The following ANKAR variants were observed in gnomAD, a reference collection of about 807,000 sequenced individuals.
The protein encoded by ANKAR is ankyrin and armadillo repeat-containing protein.
ANKAR carries 136 observed loss-of-function variants against 146.2 expected under a neutral mutation model. The observed-to-expected ratio is 0.93, with a 90% confidence interval of 0.81 to 1.07. The LOEUF (loss-of-function observed/expected upper bound fraction) is 1.07, where lower values mean the gene tolerates loss of function less well. Ranked by LOEUF, ANKAR falls within the 50% of genes least tolerant of loss-of-function variation. The pLI is 0.00. For missense variants in ANKAR, 1,567 were observed against 1,679.9 expected, an observed-to-expected ratio of 0.93 and a Z score of 1.18; for synonymous variants, 500 against 575.8, an observed-to-expected ratio of 0.87 and a Z score of 1.88.
chr2:189,721,850 G>A (rs762469596), intron 12 of ANKAR, among the ~76,000 whole-genome samples: 18 of 152,278 alleles, frequency 1.2e-4, no homozygotes, highest in Non-Finnish European at 2.2e-4. Flanking sequence ...TTAAATGTAA[G>A]TCAAGATTAA....
At chr2:189,707,695 T>C (rs6434365) in intron 9 of ANKAR, among the ~76,000 whole-genome samples, 35,536 of 151,154 alleles carry the variant, frequency 0.24, 4,493 homozygotes, top group African/African-American at 0.32. Context: ...TATGGACATG[T>C]CTAATTTTAC....
intron 7 of ANKAR, among the ~76,000 whole-genome samples, chr2:189,700,463 A>T (rs1348531927): frequency 6.6e-6 from 1 of 152,176 alleles, no homozygotes; most frequent in Non-Finnish European, 1.5e-5. Context: ...AGATTTTTTG[A>T]TACAGGCATG....
Position 189,744,777 on chromosome 2 carries a change from T to A in ANKAR, c.4046T>A (p.Ile1349Asn), listed in dbSNP as rs1307044691. The A allele has an allele frequency of 3.1e-6, 5 of 1,589,678 alleles. No individual in the cohort carries two copies. In the African/African-American group the frequency reaches 6.7e-5, roughly 21 times the overall value. ...EKNGGPSIIPIFKRGKEHRRK... is the reference protein window; with the variant it reads ...EKNGGPSIIPNFKRGKEHRRK... The stretch of plus-strand genomic sequence containing the variant: ...AATGGAGGACCATCCATAATTCCTA[T>A]CTTTAAAAGAGGTAATTGATTTTTC... Residue 1349 changes from isoleucine to asparagine, a missense_variant, in exon 22 of 23, where the codon ATC becomes AAC. Ile to Asn is a moderately radical substitution (Grantham distance 149). Transcript: ENST00000684021.
At chr2:189,743,620 A>G in intron 21 of ANKAR, 146 bp downstream of exon 21, 1 of 774,610 alleles carries the variant, frequency 1.3e-6, no homozygotes, top group Non-Finnish European at 2.0e-6. Context: ...CTAAATGACC[A>G]CTGCCACAAC....
At chr2:189,729,674 A>G (rs977460528) in intron 15 of ANKAR, among the ~76,000 whole-genome samples, 7 of 46,190 alleles carry the variant, frequency 1.5e-4, no homozygotes, top group Middle Eastern at 0.013. Flanking sequence ...GTTCATTTCA[A>G]ATCTGTCCAC....
chr2:189,685,238 T>G (rs2105772436), intron 2 of ANKAR, among the ~76,000 whole-genome samples: 1 of 152,190 alleles, frequency 6.6e-6, no homozygotes, highest in South Asian at 2.1e-4. Flanking sequence ...TTTAATAACT[T>G]TCTTTTTCTT....
chr2:189,689,686 T>G lies in ANKAR; in HGVS notation c.761T>G (p.Ile254Ser). Residue 254 changes from isoleucine (I) to serine (S), a missense_variant, in exon 3 of 23, where the codon ATT (isoleucine) becomes AGT (serine). By Grantham distance (142) the Ile-to-Ser change is moderately radical (BLOSUM62 -2). Transcript: ENST00000684021. Reference sequence around the variant, plus strand: ...AAGTTAACATTCAGTACCACACAAATTCAACAGTATGAAAATGTCTTTATA... The same window carrying G: ...AAGTTAACATTCAGTACCACACAAAGTCAACAGTATGAAAATGTCTTTATA... ...MLKLTFSTTQIQQYENVFIFE... is the reference protein window; with the variant it reads ...MLKLTFSTTQSQQYENVFIFE... 1 of 1,613,716 alleles carries G rather than the reference T, an allele frequency of 6.2e-7. No individual in the cohort carries two copies. The highest frequency in any genetic ancestry group is 8.5e-7 in the Non-Finnish European group (1 of 1,179,792).
Position 189,712,159 on chromosome 2 carries a change from G to T in ANKAR, c.2224+1006G>T, listed in dbSNP as rs914919623. Reference sequence around the variant, plus strand: ...GCTGTCTCTGTAGACCCCACATCTGGGGGGGCAGGGCATAGCTGAACAAAA... The same window carrying T: ...GCTGTCTCTGTAGACCCCACATCTGTGGGGGCAGGGCATAGCTGAACAAAA... On this transcript the variant is annotated intron_variant, in intron 10 of 22. Coordinates refer to ENST00000684021, the MANE Select transcript of ANKAR (RefSeq NM_001378068.1). Among the ~76,000 whole-genome samples the T allele has an allele frequency of 0.017, 4 of 242 alleles. No individual in the cohort carries two copies. The Admixed American group carries it at 0.21, about 13-fold the overall frequency. The allele number at this position is 242 out of a possible 152,430, so 0.2% of individuals were successfully genotyped here.
chr2:189,696,104 CT>C (rs770262712), intron 6 of ANKAR, 45 bp from the exon 7 acceptor site: 2 of 1,580,802 alleles, frequency 1.3e-6, no homozygotes, highest in Non-Finnish European at 8.7e-7. Context: ...TTAAACCAAA[CT>C]TTAGGTGCAT....
In ANKAR at chr2:189,743,306, A is replaced by C. The variant is rs2043633941; in HGVS notation, c.3842A>C (p.Tyr1281Ser). Residue 1281 changes from tyrosine to serine, a missense_variant, in exon 21 of 23, where the codon TAC (tyrosine) becomes TCC (serine). By Grantham distance (144) the Tyr-to-Ser change is moderately radical (BLOSUM62 -2). Transcript: ENST00000684021. ...GCAGCTTGTTCCTCTGCTCTTGGCT[A>C]CTTAACATACAATGCAAATGCTTTC... ...VRAACSSALG[Y>S]LTYNANAFRI... is the part of the protein sequence containing the mutation. 2 of 1,614,066 alleles carry C rather than the reference A, an allele frequency of 1.2e-6. No individual in the cohort carries two copies. The highest frequency in any genetic ancestry group is 8.5e-7 in the Non-Finnish European group (1 of 1,179,970).
intron 2 of ANKAR, among the ~76,000 whole-genome samples, chr2:189,688,789 C>T (rs894754245): frequency 3.9e-5 from 6 of 152,160 alleles, no homozygotes; most frequent in Admixed American, 6.6e-5. Flanking sequence ...AAATGCATTA[C>T]AATTAGGCCC....
At chr2:189,715,216 A>T (rs1418993454) in intron 10 of ANKAR, among the ~76,000 whole-genome samples, 1 of 152,170 alleles carries the variant, frequency 6.6e-6, no homozygotes, top group Non-Finnish European at 1.5e-5. Flanking sequence ...AAGAAAAGAG[A>T]GAAGAATCAC....
chr2:189,692,066 A>T (rs963040823), intron 3 of ANKAR, among the ~76,000 whole-genome samples, 189 bp from the exon 4 acceptor site: 1 of 152,156 alleles, frequency 6.6e-6, no homozygotes, highest in African/African-American at 2.4e-5. Context: ...ATGCTCAAAA[A>T]TATATTTTAA....
At chr2:189,734,929 A>G (rs956079058) in intron 17 of ANKAR, among the ~76,000 whole-genome samples, 3 of 151,778 alleles carry the variant, frequency 2.0e-5, no homozygotes, top group African/African-American at 7.3e-5. Context: ...GCATCACTGC[A>G]CTCCAGCCTG....
At chr2:189,732,505 CA>C (rs1334984991) in intron 16 of ANKAR, among the ~76,000 whole-genome samples, 1 of 151,708 alleles carries the variant, frequency 6.6e-6, no homozygotes, top group Non-Finnish European at 1.5e-5. Context: ...GCTAAAGATA[CA>C]AAAAATTAGC....
chr2:189,722,198 G>T lies in ANKAR; in HGVS notation c.2635+1411G>T, dbSNP rs572760235. On this transcript the variant is annotated intron_variant, in intron 12 of 22. Transcript: ENST00000684021. ...CTACTAAAATACAAAAATCAGCTGG[G>T]TGTGGTGGTGCACGCCTGTAATCCC... Among the ~76,000 whole-genome samples, 3 of 152,134 alleles carry T rather than the reference G, an allele frequency of 2.0e-5. No homozygotes were observed. The East Asian group carries it at 5.8e-4, about 30-fold the overall frequency.
intron 7 of ANKAR, among the ~76,000 whole-genome samples, chr2:189,704,575 A>AAGGAAGG: frequency 3.4e-5 from 4 of 118,844 alleles, no homozygotes; most frequent in Non-Finnish European, 7.1e-5. Flanking sequence ...ATATATATAT[A>AAGGAAGG]TATATATATA....
chr2:189,741,582 A>C (rs574595259), intron 20 of ANKAR, 131 bp downstream of exon 20: 205 of 515,202 alleles, frequency 4.0e-4, no homozygotes, highest in African/African-American at 3.6e-3. Flanking sequence ...ACTAACTCAA[A>C]ATTACATGAC....
chr2:189,761,733 T>C, downstream of ANKAR: 1 of 1,387,918 alleles, frequency 7.2e-7, no homozygotes, highest in South Asian at 1.7e-5. Context: ...ATATATAGTT[T>C]TACAGAATTA....
Sources: allele counts gnomAD v4.1 joint callset (sites outside exome capture counted in the v4.1 genomes callset), GRCh38; gene constraint gnomAD v4.1.1; transcripts MANE v1.5; gene names NCBI Gene and HGNC (gene_info 2026-07-23, HGNC 2026-07-21).